Variants in FANK1 observed in about 807,000 individuals in gnomAD.
FANK1 encodes fibronectin type III and ankyrin repeat domains 1.
FANK1 carries 44 observed loss-of-function variants against 45.3 expected under a neutral mutation model. That is an observed-to-expected ratio of 0.97 (90% CI 0.76 to 1.25). The LOEUF (loss-of-function observed/expected upper bound fraction) is 1.25, where lower values mean the gene tolerates loss of function less well. Ranked by LOEUF, FANK1 falls within the 50% of genes most tolerant of loss-of-function variation. The pLI, the probability that FANK1 is intolerant of heterozygous loss-of-function variation, is 0.00. For synonymous variants in FANK1, 149 were observed against 152.5 expected, an observed-to-expected ratio of 0.98 and a Z score of 0.17; for missense variants, 391 against 424.4, an observed-to-expected ratio of 0.92 and a Z score of 0.69.
chr10:125,959,520 A>G (rs1373959743), intron 1 of FANK1, among the ~76,000 whole-genome samples: 5 of 152,120 alleles, frequency 3.3e-5, no homozygotes, highest in Non-Finnish European at 5.9e-5. Context: ...CATCTAATCT[A>G]TATATACGAT....
intron 1 of FANK1, chr10:125,972,729 A>G (rs1950594598): frequency 6.6e-6 from 1 of 151,866 alleles, no homozygotes; most frequent in African/African-American, 2.4e-5. Flanking sequence ...AGTGGGGCGT[A>G]CACTAACCAT....
intron 1 of FANK1, among the ~76,000 whole-genome samples, chr10:125,970,030 A>C (rs1175726551): frequency 6.6e-6 from 1 of 152,226 alleles, no homozygotes; most frequent in Admixed American, 6.5e-5. Context: ...ACTTCTTTCT[A>C]CACAGACACA....
chr10:125,981,825 T>G (rs1300624618), intron 2 of FANK1, among the ~76,000 whole-genome samples: 1 of 152,224 alleles, frequency 6.6e-6, no homozygotes. Flanking sequence ...ATCACTTTCC[T>G]GGCCTTTTCT....
chr10:125,987,595 G>GA (rs1951650343), intron 2 of FANK1, among the ~76,000 whole-genome samples: 1 of 152,078 alleles, frequency 6.6e-6, no homozygotes, highest in Admixed American at 6.6e-5. Context: ...AAAATTTAGA[G>GA]ATAAGATTTG....
chr10:125,929,330 C>T (rs902153317), intron 1 of FANK1, among the ~76,000 whole-genome samples: 1 of 152,154 alleles, frequency 6.6e-6, no homozygotes, highest in Non-Finnish European at 1.5e-5. Context: ...GGTGTGGTAT[C>T]CTGAGTGTGG....
chr10:125,985,501 T>C (rs1951496318), intron 2 of FANK1, among the ~76,000 whole-genome samples: 1 of 152,260 alleles, frequency 6.6e-6, no homozygotes, highest in South Asian at 2.1e-4. Flanking sequence ...CTTTTACTTT[T>C]ATGGTAAATG....
At chr10:125,979,479 A>C (rs56040808) in intron 1 of FANK1, among the ~76,000 whole-genome samples, 60,065 of 151,718 alleles carry the variant, frequency 0.4, 12,009 homozygotes, top group South Asian at 0.46. Context: ...TTCATATTTC[A>C]CTACAACTGG....
chr10:125,993,683 G>A (rs1488380091), intron 3 of FANK1, among the ~76,000 whole-genome samples: 1 of 152,194 alleles, frequency 6.6e-6, no homozygotes, highest in East Asian at 1.9e-4. Context: ...TCCCTTGGAA[G>A]GCCAGGGACA....
At chr10:125,971,453 C>A (rs963001669) in intron 1 of FANK1, among the ~76,000 whole-genome samples, 4 of 151,750 alleles carry the variant, frequency 2.6e-5, no homozygotes, top group Admixed American at 2.6e-4. Flanking sequence ...CAACATCTCT[C>A]TACTTTATTC....
rs1245195810 is a variant in FANK1, at chr10:125,946,221, G to A, written c.14-33940G>A. 8.3e-4 allele frequency among the ~76,000 whole-genome samples: 127 copies of A among 152,142 alleles called. 1 individual carries two copies. Among genetic ancestry groups the A allele is most frequent in the Admixed American group, 5.4e-3 (82 of 15,278 alleles). ...AGCACCTCTCCTCCTCCAAAGGAAC[G>A]CAGTTCCTCACCAGCAACGGAACAA... On this transcript the variant is annotated intron_variant, in intron 1 of 10. Transcript: ENST00000368693.
In FANK1 at chr10:125,983,460, G is replaced by C. The variant is rs1311480881; in HGVS notation, c.191+3122G>C. Among the ~76,000 whole-genome samples the C allele has an allele frequency of 1.3e-5, 2 of 152,178 alleles. No individual in the cohort carries two copies. Among genetic ancestry groups the C allele is most frequent in the African/African-American group, 4.8e-5 (2 of 41,424 alleles). ...TAAATAAGATACATAAGTAAAAATA[G>C]GTAGTCAGCAGGCAATACATACTGA... On this transcript the variant is annotated intron_variant, in intron 2 of 10. Coordinates refer to ENST00000368693, the MANE Select transcript of FANK1 (RefSeq NM_145235.5). This position sits in a 1 kb window ranked among gnomAD's most constrained non-coding sequence, Gnocchi z 4.3.
intron 1 of FANK1, among the ~76,000 whole-genome samples, chr10:125,930,831 C>T (rs1947704570): frequency 6.6e-6 from 1 of 152,144 alleles, no homozygotes; most frequent in Non-Finnish European, 1.5e-5. Flanking sequence ...GAGCAGTATA[C>T]CCTGCACCTA....
chr10:125,938,203 A>G (rs1948223105), intron 1 of FANK1, among the ~76,000 whole-genome samples: 1 of 152,224 alleles, frequency 6.6e-6, no homozygotes, highest in South Asian at 2.1e-4. Context: ...CAGGATTCTC[A>G]CTGCGGAAGA....
intron 1 of FANK1, among the ~76,000 whole-genome samples, chr10:125,924,087 G>T (rs372377568): frequency 3.3e-5 from 5 of 152,084 alleles, no homozygotes; most frequent in African/African-American, 1.2e-4. Context: ...CTACACTCCA[G>T]CCTGGGCAAC....
At chr10:125,914,538 C>G (rs1372998131) in intron 1 of FANK1, among the ~76,000 whole-genome samples, 1 of 152,090 alleles carries the variant, frequency 6.6e-6, no homozygotes, top group Non-Finnish European at 1.5e-5. Flanking sequence ...TGGTCCAAAG[C>G]AATGTTTGTT....
chr10:125,899,471 A>G (rs1944861183), intron 1 of FANK1, among the ~76,000 whole-genome samples: 1 of 152,262 alleles, frequency 6.6e-6, no homozygotes. Flanking sequence ...TCGTCCTCCC[A>G]AAGTGCTAAG....
intron 1 of FANK1, among the ~76,000 whole-genome samples, chr10:125,949,529 A>G (rs1178905151): frequency 3.9e-5 from 6 of 151,998 alleles, no homozygotes; most frequent in Non-Finnish European, 8.8e-5. Context: ...TTCAAAGAGA[A>G]TAAAATACCT....
At chr10:125,975,116 A>G (rs956915966) in intron 1 of FANK1, among the ~76,000 whole-genome samples, 2 of 152,176 alleles carry the variant, frequency 1.3e-5, no homozygotes, top group African/African-American at 4.8e-5. Flanking sequence ...GTGTTCCTGC[A>G]TTAGATTGCT....
chr10:125,962,830 T>G (rs551149861), intron 1 of FANK1, among the ~76,000 whole-genome samples: 1 of 152,098 alleles, frequency 6.6e-6, no homozygotes, highest in African/African-American at 2.4e-5. Flanking sequence ...GAAAAATTTA[T>G]TTTTATAAAA....
Sources: allele counts gnomAD v4.1 joint callset (sites outside exome capture counted in the v4.1 genomes callset), GRCh38; gene constraint gnomAD v4.1.1; non-coding constraint Gnocchi (gnomAD v3.1); transcripts MANE v1.5; gene names NCBI Gene and HGNC (gene_info 2026-07-23, HGNC 2026-07-21).